The following MANEAL variants were observed in gnomAD, a reference collection of about 807,000 sequenced individuals.
The protein encoded by MANEAL is glycoprotein endo-alpha-1,2-mannosidase-like protein.
In MANEAL, 28 loss-of-function variants were observed where a neutral mutation model predicts 35.9. The ratio of observed to expected loss-of-function variants is 0.78; its 90% CI spans 0.58 to 1.07. MANEAL has a LOEUF of 1.07. MANEAL is among the 50% of genes least tolerant of loss of function. The pLI, the probability that MANEAL is intolerant of heterozygous loss-of-function variation, is 0.00. For missense variants in MANEAL, 576 were observed against 629.6 expected, an observed-to-expected ratio of 0.91 and a Z score of 0.91; for synonymous variants, 286 against 272.2, an observed-to-expected ratio of 1.05 and a Z score of -0.50.
intron 1 of MANEAL, 116 bp from the exon 2 acceptor site, chr1:37,795,621 G>T: frequency 6.5e-7 from 1 of 1,545,908 alleles, no homozygotes. Flanking sequence ...CCTGGCAGGA[G>T]GCTTGCTTCA....
rs1377668686 is a variant in MANEAL at position 37,799,910 on chromosome 1, G to A, written c.1081G>A (p.Gly361Ser). 5 of 1,614,220 alleles carry A rather than the reference G, an allele frequency of 3.1e-6. No homozygotes were observed. Among genetic ancestry groups the A allele is most frequent in the African/African-American group, 1.3e-5 (1 of 75,062 alleles). ...NLMFIPSVGPGYIDTSIRPWN... is the reference protein window; with the variant it reads ...NLMFIPSVGPSYIDTSIRPWN... ...CATGTTCATCCCCAGTGTGGGGCCT[G>A]GCTACATAGACACCAGCATTCGGCC... The change falls in exon 4 of 4, where the codon GGC becomes AGC. Residue 361 changes from glycine (G) to serine (S), a missense_variant. Gly to Ser is a moderately conservative substitution (Grantham distance 56, BLOSUM62 0). Coordinates refer to ENST00000373045, the MANE Select transcript of MANEAL (RefSeq NM_001113482.2). The surrounding 1 kb of genome is among the most constrained non-coding windows in gnomAD (Gnocchi z 4.1).
In MANEAL at chr1:37,794,404, G is replaced by GCCC; in HGVS notation, c.224_226dup (p.Pro75dup). The GCCC allele has an allele frequency of 3.3e-6, 4 of 1,227,288 alleles. No homozygotes were observed. Among genetic ancestry groups the GCCC allele is most frequent in the South Asian group, 5.7e-5 (2 of 34,894 alleles). The allele number at this position is 1,227,288 out of a possible 1,614,324, so 76.0% of individuals were successfully genotyped here. On this transcript the variant is annotated inframe_insertion, in exon 1 of 4. Transcript: ENST00000373045. The surrounding 1 kb of genome is among the most constrained non-coding windows in gnomAD (Gnocchi z 5.7). ...CCGCGCCGCCCCCGCCGCCGCCGCC[G>GCCC]CCCCGCACCGCGGACCCTGGCGGCT...
Position 37,799,595 on chromosome 1 carries a change from T to C in MANEAL, c.766T>C (p.Tyr256His), listed in dbSNP as rs1208052355. Residue 256 changes from tyrosine (Y) to histidine (H), a missense_variant, in exon 4 of 4, where the codon TAT becomes CAT. Physicochemically the swap from Tyr to His is moderately conservative, Grantham distance 83. Around this residue, in one of 3 missense-constraint regions of MANEAL, gnomAD observed 449 missense variants for 516.1 expected, o/e 0.87. Transcript: ENST00000373045. This position sits in a 1 kb window ranked among gnomAD's most constrained non-coding sequence, Gnocchi z 4.1. ...TYGSHGAFYR[Y>H]KNSMGKSLPL... ...TGGCTCCCATGGTGCATTTTACCGC[T>C]ATAAGAACAGCATGGGCAAGAGCCT... The C allele has an allele frequency of 1.2e-6, 2 of 1,614,186 alleles. No homozygotes were observed. The highest frequency in any genetic ancestry group is 2.7e-5 in the African/African-American group (2 of 75,054).
rs767853927 is a variant in MANEAL, at chr1:37,796,792, C to T, written c.709C>T (p.His237Tyr). The T allele has an allele frequency of 1.9e-6, 3 of 1,609,874 alleles. No homozygotes were observed. The highest frequency in any genetic ancestry group is 3.4e-5 in the Admixed American group (2 of 59,316). The change falls in exon 3 of 4, where the codon CAT becomes TAT. Residue 237 changes from histidine (H) to tyrosine (Y), a missense_variant. By Grantham distance (83) the His-to-Tyr change is moderately conservative. Transcript: ENST00000373045. ...PYKGRDDITV[H>Y]DNIKYIIDTY... is the part of the protein sequence containing the mutation. ...CAAGGGCCGGGATGACATCACTGTA[C>T]ATGACAACATCAAGTACATCATTGA...
chr1:37,794,271 A>G lies in MANEAL; in HGVS notation c.89A>G (p.Lys30Arg). ...ACCCTCATGGGTCTGCGCACGCTCA[A>G]GGCTCCGGACGGACTCCCGGCGCTG... ...FGTLMGLRTL[K>R]APDGLPALGP... Residue 30 changes from lysine (K) to arginine (R), a missense_variant, in exon 1 of 4, where the codon AAG (lysine) becomes AGG (arginine). Transcript: ENST00000373045. This position sits in a 1 kb window ranked among gnomAD's most constrained non-coding sequence, Gnocchi z 5.7. The G allele has an allele frequency of 1.6e-6, 2 of 1,287,910 alleles. No homozygotes were observed. The highest frequency in any genetic ancestry group is 1.7e-5 in the South Asian group (1 of 58,112). The allele number at this position is 1,287,910 out of a possible 1,614,324, so 79.8% of individuals were successfully genotyped here.
At position 37,799,771 on chromosome 1, in the gene MANEAL, C is replaced by A; in HGVS notation, c.942C>A (p.Ile314=). 1.2e-6 allele frequency: 2 copies of A among 1,614,218 alleles called. No individual in the cohort carries two copies. Among genetic ancestry groups the A allele is most frequent in the Non-Finnish European group, 1.7e-6 (2 of 1,180,038 alleles). The stretch of plus-strand genomic sequence containing the variant: ...TGGAGGAGGGCCACACCCACGATAT[C>A]CTGGCCGCCGGATTTGACGGCATGT... ...LLVEEGHTHD[I]LAAGFDGMYT... is the part of the protein sequence containing the mutation. The change falls in exon 4 of 4, where the codon ATC becomes ATA. Residue 314 remains isoleucine (I), a synonymous_variant. Coordinates refer to ENST00000373045, the MANE Select transcript of MANEAL (RefSeq NM_001113482.2). This position sits in a 1 kb window ranked among gnomAD's most constrained non-coding sequence, Gnocchi z 4.1.
Position 37,799,873 on chromosome 1 carries a change from T to G in MANEAL, c.1044T>G (p.Asp348Glu). 6.2e-7 allele frequency: 1 copy of G among 1,614,256 alleles called. No homozygotes were observed. The highest frequency in any genetic ancestry group is 1.7e-5 in the Admixed American group (1 of 60,034). ...GGAAAGCTGTGAAGAACTTTTGTGA[T>G]GCCAACAACCTCATGTTCATCCCCA... ...QNWKAVKNFCDANNLMFIPSV... is the reference protein window; with the variant it reads ...QNWKAVKNFCEANNLMFIPSV... Residue 348 changes from aspartate to glutamate, a missense_variant, in exon 4 of 4, where the codon GAT becomes GAG. Transcript: ENST00000373045. This position sits in a 1 kb window ranked among gnomAD's most constrained non-coding sequence, Gnocchi z 4.1.
rs1646679339 is a variant in MANEAL, at chr1:37,799,794, TG to T, written c.966del (p.Met322IlefsTer22). On this transcript the variant is annotated frameshift_variant, in exon 4 of 4. Transcript: ENST00000373045. LOFTEE classifies it high-confidence loss of function. This position sits in a 1 kb window ranked among gnomAD's most constrained non-coding sequence, Gnocchi z 4.1. The stretch of plus-strand genomic sequence containing the variant: ...ATCCTGGCCGCCGGATTTGACGGCA[TG>T]TACACCTACTTTGCCTCCAATGGTT... Reference protein sequence around the residue: ...HDILAAGFDGMYTYFASNGFS... With the variant: ...HDILAAGFDGXYTYFASNGFS... The T allele has an allele frequency of 6.2e-7, 1 of 1,614,120 alleles. No homozygotes were observed. The highest frequency in any genetic ancestry group is 1.7e-5 in the Admixed American group (1 of 60,008).
In MANEAL at chr1:37,794,534, C is replaced by T. The variant is rs1041603076; in HGVS notation, c.352C>T (p.Arg118Cys). 7.4e-6 allele frequency: 12 copies of T among 1,611,478 alleles called. No homozygotes were observed. In the Admixed American group the frequency reaches 1.0e-4, roughly 13 times the overall value. ...CTACTCGTGGTACGGGAGCCCGCGG[C>T]GCGAGGGCCACTACATTCACTGGGA... ...FYYSWYGSPR[R>C]EGHYIHWDHV... Residue 118 changes from arginine (R) to cysteine (C), a missense_variant, in exon 1 of 4, where the codon CGC becomes TGC. Around this residue, in one of 3 missense-constraint regions of MANEAL, gnomAD observed 449 missense variants for 516.1 expected, o/e 0.87. Transcript: ENST00000373045. This position sits in a 1 kb window ranked among gnomAD's most constrained non-coding sequence, Gnocchi z 5.7.
At position 37,794,740 on chromosome 1, in the gene MANEAL, C is replaced by G; in HGVS notation, c.550+8C>G. On this transcript the variant is annotated splice_region_variant and intron_variant, in intron 1 of 3. Coordinates refer to ENST00000373045, the MANE Select transcript of MANEAL (RefSeq NM_001113482.2). The surrounding 1 kb of genome is among the most constrained non-coding windows in gnomAD (Gnocchi z 5.7). ...TCAAGGAAGCCGCCATCGGTGAGCG[C>G]CCCCCACCCCGGGCGGCCCTGCCCC... 6.5e-7 allele frequency: 1 copy of G among 1,539,338 alleles called. No homozygotes were observed. Among genetic ancestry groups the G allele is most frequent in the South Asian group, 1.2e-5 (1 of 82,450 alleles).
chr1:37,798,684 G>A (rs373314312), intron 3 of MANEAL, among the ~76,000 whole-genome samples: 3 of 151,876 alleles, frequency 2.0e-5, no homozygotes, highest in East Asian at 1.9e-4. Context: ...AGTGAGTTAC[G>A]ATGGCACCAC....
chr1:37,800,021 A>T lies in MANEAL; in HGVS notation c.1192A>T (p.Ile398Phe). 1 of 1,614,122 alleles carries T rather than the reference A, an allele frequency of 6.2e-7. No individual in the cohort carries two copies. The highest frequency in any genetic ancestry group is 8.5e-7 in the Non-Finnish European group (1 of 1,180,016). ...LQAALTVRPE[I>F]VSITSFNEWH... ...GGCGGCCCTGACAGTGAGGCCCGAG[A>T]TCGTTTCCATTACCTCCTTCAATGA... is the stretch of plus-strand genomic sequence containing the variant. Residue 398 changes from isoleucine to phenylalanine, a missense_variant, in exon 4 of 4, where the codon ATC becomes TTC. Coordinates refer to ENST00000373045, the MANE Select transcript of MANEAL (RefSeq NM_001113482.2).
chr1:37,797,495 G>C (rs1366906454), intron 3 of MANEAL, among the ~76,000 whole-genome samples: 1 of 143,564 alleles, frequency 7.0e-6, no homozygotes, highest in Non-Finnish European at 1.5e-5. Flanking sequence ...TTTTGAGACA[G>C]AGTCTCACTC....
Position 37,799,500 on chromosome 1 carries a change from C to A in MANEAL, c.738-67C>A, listed in dbSNP as rs1258830886. 2 of 1,527,390 alleles carry A rather than the reference C, an allele frequency of 1.3e-6. No homozygotes were observed. The highest frequency in any genetic ancestry group is 1.2e-5 in the South Asian group (1 of 80,356). 94.6% of individuals were successfully genotyped at this position (1,527,390 alleles called of 1,614,324 possible). On this transcript the variant is annotated intron_variant, in intron 3 of 3. Transcript: ENST00000373045. This position sits in a 1 kb window ranked among gnomAD's most constrained non-coding sequence, Gnocchi z 4.1. ...GGGCTGTGTTGCATCCGTATCTCAT[C>A]CACGGGAGGTCCTACAGCTGTGCTG... is the stretch of plus-strand genomic sequence containing the variant.
In MANEAL at chr1:37,795,422, G is replaced by A. The variant is rs923490701; in HGVS notation, c.551-315G>A. The A allele has an allele frequency of 5.9e-6, 6 of 1,009,718 alleles. No individual in the cohort carries two copies. The South Asian group carries it at 6.3e-5, about 11-fold the overall frequency. The allele number at this position is 1,009,718 out of a possible 1,614,324, so 62.5% of individuals were successfully genotyped here. A position where few individuals can be genotyped will look rare whatever the true frequency, so the allele number is the denominator to read the frequency against. ...GGGTGCTTCTCTTCTTCAGAGGTAG[G>A]CCTGTGGCTTCCAGGTGGGTGTGGC... On this transcript the variant is annotated intron_variant, in intron 1 of 3. Transcript: ENST00000373045.
In MANEAL at chr1:37,799,979, T is replaced by C. The variant is rs1646681890; in HGVS notation, c.1150T>C (p.Tyr384His). The change falls in exon 4 of 4, where the codon TAT (tyrosine) becomes CAT (histidine). Residue 384 changes from tyrosine (Y) to histidine (H), a missense_variant. Physicochemically the swap from Tyr to His is moderately conservative, Grantham distance 83. Transcript: ENST00000373045. This position sits in a 1 kb window ranked among gnomAD's most constrained non-coding sequence, Gnocchi z 4.1. ...GCGCAACAGGGTCAATGGCAAGTAC[T>C]ATGAGACGGCCCTGCAGGCGGCCCT... ...NTRNRVNGKY[Y>H]ETALQAALTV... The C allele has an allele frequency of 6.2e-7, 1 of 1,614,102 alleles. No homozygotes were observed. Among genetic ancestry groups the C allele is most frequent in the African/African-American group, 1.3e-5 (1 of 74,944 alleles).
intron 3 of MANEAL, 93 bp downstream of exon 3, chr1:37,796,913 T>G (rs1243386856): frequency 2.9e-5 from 35 of 1,208,470 alleles, no homozygotes; most frequent in Non-Finnish European, 4.0e-5. Flanking sequence ...ACACAGGGCA[T>G]AATGCCTGTG....
chr1:37,796,947 A>C, intron 3 of MANEAL, 127 bp downstream of exon 3: 1 of 924,370 alleles, frequency 1.1e-6, no homozygotes, highest in South Asian at 1.6e-5. Flanking sequence ...GTTTTATAGT[A>C]AGAGAGTACT....
intron 1 of MANEAL, among the ~76,000 whole-genome samples, chr1:37,795,255 G>C (rs1407261289): frequency 6.6e-6 from 1 of 152,234 alleles, no homozygotes; most frequent in East Asian, 1.9e-4. Flanking sequence ...CAAGCACCCA[G>C]CTGGAGGGAA....
Sources: allele counts gnomAD v4.1 joint callset (sites outside exome capture counted in the v4.1 genomes callset), GRCh38; gene constraint gnomAD v4.1.1; regional missense constraint gnomAD v4.1.1; non-coding constraint Gnocchi (gnomAD v3.1); transcripts MANE v1.5; gene names NCBI Gene and HGNC (gene_info 2026-07-23, HGNC 2026-07-21).